Variants in NXNL1 observed in about 807,000 individuals in gnomAD.
NXNL1 encodes the protein nucleoredoxin-like protein 1.
A neutral mutation model predicts 7.2 loss-of-function variants in NXNL1; 6 were observed. That is an observed-to-expected ratio of 0.83 (90% CI 0.46 to 1.64). The LOEUF is 1.64. Among genes scored for constraint, NXNL1 ranks in the 40% most tolerant of loss-of-function variants. The probability of loss-of-function intolerance (pLI) is 0.01; values close to 1 mark genes in which losing one functional copy is unlikely to be tolerated. For missense variants in NXNL1, 308 were observed against 285.1 expected (o/e 1.08, Z -0.58); for synonymous variants, 133 against 127.2 (o/e 1.05, Z -0.31).
rs10408265 is a variant in NXNL1, at chr19:17,455,801, T to C, written c.485A>G (p.Asn162Ser). 0.011 allele frequency: 17,177 copies of C among 1,566,462 alleles called. 777 individuals are homozygous for C. The African/African-American group carries it at 0.11, about 10-fold the overall frequency. Residue 162 changes from asparagine to serine, a missense_variant, in exon 2 of 2, where the codon AAC becomes AGC. Physicochemically the swap from Asn to Ser is conservative, Grantham distance 46. Coordinates refer to ENST00000301944, the MANE Select transcript of NXNL1 (RefSeq NM_138454.2). ...CTCCAGGTCCTCTGGCAGCTGGAAGTTGCGGTCCAGCACCTCGGCCGCCTC... is the reference window on the plus strand; with the variant it reads ...CTCCAGGTCCTCTGGCAGCTGGAAGCTGCGGTCCAGCACCTCGGCCGCCTC... ...WQEAAEVLDR[N>S]FQLPEDLEDQ...
At chr19:17,457,306 A>T (rs2074996882) in intron 1 of NXNL1, among the ~76,000 whole-genome samples, 1 of 152,172 alleles carries the variant, frequency 6.6e-6, no homozygotes, top group Non-Finnish European at 1.5e-5. Flanking sequence ...TAGTGTAAGT[A>T]TAGCCAAATG....
Position 17,455,635 on chromosome 19 carries a change from C to T in NXNL1, c.*12G>A, listed in dbSNP as rs1463565339. 2.2e-6 allele frequency: 3 copies of T among 1,358,350 alleles called. No homozygotes were observed. The highest frequency in any genetic ancestry group is 2.0e-6 in the Non-Finnish European group (2 of 988,410). 84.1% of individuals were successfully genotyped at this position (1,358,350 alleles called of 1,614,324 possible). The stretch of plus-strand genomic sequence containing the variant: ...ATCAACAAACCCCACTCCTCTCCTC[C>T]ACCCTAGCGGGTCAGAACAGCCCCC... On this transcript the variant is annotated 3_prime_UTR_variant, in exon 2 of 2. Coordinates refer to ENST00000301944, the MANE Select transcript of NXNL1 (RefSeq NM_138454.2).
rs188171341 is a variant in NXNL1 at position 17,458,259 on chromosome 19, G to A, written c.326+2285C>T. On this transcript the variant is annotated intron_variant, in intron 1 of 1. Transcript: ENST00000301944. ...TTTTGTGACATAGTCTCGCTCTGTC[G>A]CCCAGGCTGGAGTGCAGTGGCACGA... Among the ~76,000 whole-genome samples, 405 of 124,250 alleles carry A rather than the reference G, an allele frequency of 3.3e-3. 1 individual carries two copies. Among genetic ancestry groups the A allele is most frequent in the Non-Finnish European group, 5.4e-3 (344 of 63,902 alleles). The allele number at this position is 124,250 out of a possible 152,430, so 81.5% of individuals were successfully genotyped here. A position where few individuals can be genotyped will look rare whatever the true frequency, so the allele number is the denominator to read the frequency against.
In NXNL1 at chr19:17,455,668, GCCCTCCTCCCCACC is replaced by G; in HGVS notation, c.604_617del (p.Gly202ArgfsTer10). The G allele has an allele frequency of 9.1e-6, 3 of 330,284 alleles. No homozygotes were observed. The highest frequency in any genetic ancestry group is 1.4e-5 in the Non-Finnish European group (3 of 214,742). 20.5% of individuals were successfully genotyped at this position (330,284 alleles called of 1,614,324 possible). A position where few individuals can be genotyped will look rare whatever the true frequency, so the allele number is the denominator to read the frequency against. ...CGGGTCAGAACAGCCCCCCGGCCCC[GCCCTCCTCCCCACC>G]CCCTCCCCCGGGGTCGCGCCCGCCT... is the stretch of plus-strand genomic sequence containing the variant. On this transcript the variant is annotated frameshift_variant, in exon 2 of 2. Transcript: ENST00000301944. LOFTEE classifies it high-confidence loss of function.
chr19:17,455,571 G>T lies in NXNL1; in HGVS notation c.*76C>A, dbSNP rs1373020912. ...CCGCCTTGGCCTCCCCAAGTGCTGGGATTACAGGCGTGCGGGGGTGGGGTG... is the reference window on the plus strand; with the variant it reads ...CCGCCTTGGCCTCCCCAAGTGCTGGTATTACAGGCGTGCGGGGGTGGGGTG... On this transcript the variant is annotated 3_prime_UTR_variant, in exon 2 of 2. Transcript: ENST00000301944. 1.1e-6 allele frequency: 1 copy of T among 918,336 alleles called. No individual in the cohort carries two copies. Among genetic ancestry groups the T allele is most frequent in the Non-Finnish European group, 1.6e-6 (1 of 615,156 alleles). 56.9% of individuals were successfully genotyped at this position (918,336 alleles called of 1,614,324 possible). A position where few individuals can be genotyped will look rare whatever the true frequency, so the allele number is the denominator to read the frequency against.
intron 1 of NXNL1, 121 bp downstream of exon 1, chr19:17,460,423 C>A (rs1189073253): frequency 1.8e-6 from 2 of 1,091,764 alleles, no homozygotes; most frequent in East Asian, 5.2e-5. Flanking sequence ...TGTCTGTACC[C>A]CCTAGTTCCC....
chr19:17,455,871 C>T lies in NXNL1; in HGVS notation c.415G>A (p.Asp139Asn), dbSNP rs1276298061. Residue 139 changes from aspartate (D) to asparagine (N), a missense_variant, in exon 2 of 2, where the codon GAC (aspartate) becomes AAC (asparagine). Physicochemically the swap from Asp to Asn is conservative, Grantham distance 23 (BLOSUM62 1). Transcript: ENST00000301944. ...DGDVLTRDGA[D>N]EIQRLGTACF... ...GCGGTGCCCAGGCGCTGGATCTCGTCGGCGCCGTCGCGAGTGAGCACGTCC... is the reference window on the plus strand; with the variant it reads ...GCGGTGCCCAGGCGCTGGATCTCGTTGGCGCCGTCGCGAGTGAGCACGTCC... The T allele has an allele frequency of 1.3e-6, 2 of 1,589,440 alleles. No homozygotes were observed. The highest frequency in any genetic ancestry group is 2.2e-5 in the East Asian group (1 of 44,450).
chr19:17,456,001 G>C, intron 1 of NXNL1, 42 bp from the exon 2 acceptor site: 1 of 1,595,884 alleles, frequency 6.3e-7, no homozygotes, highest in South Asian at 1.1e-5. Context: ...CCACATCCCT[G>C]ATGCTGAACC....
rs1379789936 is a variant in NXNL1, at chr19:17,455,813, A to G, written c.473T>C (p.Val158Ala). 1 of 1,571,730 alleles carries G rather than the reference A, an allele frequency of 6.4e-7. No individual in the cohort carries two copies. The highest frequency in any genetic ancestry group is 1.8e-5 in the Admixed American group (1 of 55,210). Residue 158 changes from valine to alanine, a missense_variant, in exon 2 of 2, where the codon GTG (valine) becomes GCG (alanine). Coordinates refer to ENST00000301944, the MANE Select transcript of NXNL1 (RefSeq NM_138454.2). ...TGGCAGCTGGAAGTTGCGGTCCAGCACCTCGGCCGCCTCCTGCCAGTTGGC... is the reference window on the plus strand; with the variant it reads ...TGGCAGCTGGAAGTTGCGGTCCAGCGCCTCGGCCGCCTCCTGCCAGTTGGC... Reference protein sequence around the residue: ...CFANWQEAAEVLDRNFQLPED... With the variant: ...CFANWQEAAEALDRNFQLPED...
In NXNL1 at chr19:17,455,777, TC is replaced by T; in HGVS notation, c.508del (p.Glu170ArgfsTer94). 6.5e-7 allele frequency: 1 copy of T among 1,548,310 alleles called. No homozygotes were observed. On this transcript the variant is annotated frameshift_variant, in exon 2 of 2. Transcript: ENST00000301944. LOFTEE classifies it low-confidence loss of function (END_TRUNC). ...GGTGAGGCTCCGTGGCTCCTGGTCC[TC>T]CAGGTCCTCTGGCAGCTGGAAGTTG... Reference protein sequence around the residue: ...DRNFQLPEDLEDQEPRSLTEC... With the variant: ...DRNFQLPEDLXDQEPRSLTEC...
In NXNL1 at chr19:17,460,683, C is replaced by T. The variant is rs756311361; in HGVS notation, c.187G>A (p.Asp63Asn). 2.7e-5 allele frequency: 44 copies of T among 1,613,690 alleles called. No individual in the cohort carries two copies. Among genetic ancestry groups the T allele is most frequent in the Non-Finnish European group, 3.4e-5 (40 of 1,180,042 alleles). ...ILKDFFVRLT[D>N]EFYVLRAAQL... The stretch of plus-strand genomic sequence containing the variant: ...GCCGCCCGCAGTACATAGAACTCAT[C>T]TGTGAGCCGCACGAAGAAGTCCTTG... The change falls in exon 1 of 2, where the codon GAT becomes AAT. Residue 63 changes from aspartate to asparagine, a missense_variant. Coordinates refer to ENST00000301944, the MANE Select transcript of NXNL1 (RefSeq NM_138454.2).
intron 1 of NXNL1, among the ~76,000 whole-genome samples, chr19:17,458,372 C>A (rs2075000887): frequency 6.6e-6 from 1 of 151,242 alleles, no homozygotes; most frequent in African/African-American, 2.4e-5. Flanking sequence ...AGGCGCCCGC[C>A]ACCACGCCCG....
intron 1 of NXNL1, among the ~76,000 whole-genome samples, chr19:17,456,680 G>A (rs1022083992): frequency 2.6e-5 from 4 of 151,988 alleles, no homozygotes; most frequent in Admixed American, 6.6e-5. Context: ...CCAGGAGTTC[G>A]AGACCAGCCT....
At chr19:17,457,863 T>G (rs973531452) in intron 1 of NXNL1, among the ~76,000 whole-genome samples, 3 of 152,224 alleles carry the variant, frequency 2.0e-5, no homozygotes, top group African/African-American at 7.2e-5. Context: ...TCTCCTCAGC[T>G]GCCGAGGGCA....
intron 1 of NXNL1, among the ~76,000 whole-genome samples, chr19:17,458,283 G>A (rs2075000460): frequency 7.2e-6 from 1 of 137,976 alleles, no homozygotes; most frequent in Non-Finnish European, 1.5e-5. Context: ...GCAGTGGCAC[G>A]ATCTCGGGTC....
Position 17,460,644 on chromosome 19 carries a change from C to A in NXNL1, c.226G>T (p.Val76Leu). The A allele has an allele frequency of 6.2e-7, 1 of 1,613,076 alleles. No individual in the cohort carries two copies. The highest frequency in any genetic ancestry group is 1.1e-5 in the South Asian group (1 of 91,090). Reference protein sequence around the residue: ...YVLRAAQLALVYVSQDSTEEQ... With the variant: ...YVLRAAQLALLYVSQDSTEEQ... ...TCCGTGGAGTCCTGGGACACGTACA[C>A]CAGGGCCAGCTGAGCCGCCCGCAGT... Residue 76 changes from valine to leucine, a missense_variant, in exon 1 of 2, where the codon GTG becomes TTG. Coordinates refer to ENST00000301944, the MANE Select transcript of NXNL1 (RefSeq NM_138454.2).
rs1164596304 is a variant in NXNL1 at position 17,460,553 on chromosome 19, T to A, written c.317A>T (p.Asp106Val). 1.2e-6 allele frequency: 2 copies of A among 1,600,534 alleles called. 1 individual carries two copies. The highest frequency in any genetic ancestry group is 4.5e-5 in the East Asian group (2 of 44,878). Reference protein sequence around the residue: ...KKWLFLPFEDDLRRDLGRQFS... With the variant: ...KKWLFLPFEDVLRRDLGRQFS... ...CCCTGCCCCTCCTCACCTCCTCAGA[T>A]CATCCTCAAAGGGCAGGAAAAGCCA... The change falls in exon 1 of 2, where the codon GAT becomes GTT. Residue 106 changes from aspartate to valine, a missense_variant. Asp to Val is a radical substitution (Grantham distance 152). Coordinates refer to ENST00000301944, the MANE Select transcript of NXNL1 (RefSeq NM_138454.2).
chr19:17,457,534 A>AT (rs892737974), intron 1 of NXNL1, among the ~76,000 whole-genome samples: 39 of 147,530 alleles, frequency 2.6e-4, no homozygotes, highest in East Asian at 3.9e-4. Context: ...ACCACACCTA[A>AT]TTTTTTTTTT....
At chr19:17,456,103 C>G (rs1163872005) in intron 1 of NXNL1, 144 bp from the exon 2 acceptor site, 1 of 1,422,310 alleles carries the variant, frequency 7.0e-7, no homozygotes, top group East Asian at 2.5e-5. Flanking sequence ...ACACGAGGAC[C>G]GGGACAGGGC....
Sources: allele counts gnomAD v4.1 joint callset (sites outside exome capture counted in the v4.1 genomes callset), GRCh38; gene constraint gnomAD v4.1.1; transcripts MANE v1.5; gene names NCBI Gene and HGNC (gene_info 2026-07-23, HGNC 2026-07-21).